The following DLG2 variants were observed in gnomAD, a reference collection of about 807,000 sequenced individuals.
DLG2 encodes the protein discs large MAGUK scaffold protein 2.
DLG2 carries 45 observed loss-of-function variants against 132.5 expected under a neutral mutation model. That is an observed-to-expected ratio of 0.34 (90% CI 0.27 to 0.44). DLG2 has a LOEUF of 0.44. DLG2 is among the 20% of genes least tolerant of loss of function. DLG2 has a pLI of 1.00. For missense variants in DLG2, 1,045 were observed against 1,196.9 expected (o/e 0.87, Z 1.87); for synonymous variants, 424 against 419.6 (o/e 1.01, Z -0.13).
At chr11:85,410,887 G>T (rs1320275189) in intron 3 of DLG2, among the ~76,000 whole-genome samples, 2 of 151,740 alleles carry the variant, frequency 1.3e-5, no homozygotes, top group Non-Finnish European at 2.9e-5. Context: ...TCTGGAGTAG[G>T]TCGATGCTCA....
At position 85,083,855 on chromosome 11, in the gene DLG2, T is replaced by C. The variant is rs181388862; in HGVS notation, c.357+27806A>G. ...TTAATGCTGGTCAGTTGTGCCTAAA[T>C]TCTAAGGGGAGGAAGGTATAATGGG... On this transcript the variant is annotated intron_variant, in intron 6 of 27. Transcript: ENST00000376104. 3.9e-4 allele frequency among the ~76,000 whole-genome samples: 59 copies of C among 152,202 alleles called. 1 individual carries two copies. The highest frequency in any genetic ancestry group is 1.1e-3 in the Admixed American group (17 of 15,278).
intron 4 of DLG2, among the ~76,000 whole-genome samples, chr11:85,263,369 CCCCAAAACGCATGTGAGTTTG>C (rs1296985906): frequency 2.0e-5 from 3 of 152,156 alleles, no homozygotes; most frequent in Non-Finnish European, 4.4e-5. Flanking sequence ...GTCTGAGTTC[CCCCAAAACGCATGTGAGTTTG>C]CCCAAAACGC....
At chr11:85,008,225 C>T (rs1254192000) in intron 6 of DLG2, among the ~76,000 whole-genome samples, 1 of 152,078 alleles carries the variant, frequency 6.6e-6, no homozygotes, top group Non-Finnish European at 1.5e-5. Context: ...AGCATTTATG[C>T]ATCTGTGTAA....
intron 6 of DLG2, among the ~76,000 whole-genome samples, chr11:84,756,695 C>T (rs1225272328): frequency 1.3e-5 from 2 of 152,090 alleles, no homozygotes; most frequent in African/African-American, 4.8e-5. Context: ...CTTGTCCAAC[C>T]CCTAGTCCAA....
chr11:85,177,354 G>C (rs545928888), intron 4 of DLG2, among the ~76,000 whole-genome samples: 3 of 151,452 alleles, frequency 2.0e-5, no homozygotes, highest in South Asian at 4.2e-4. Flanking sequence ...AAAGAAACAA[G>C]ATCATGTCCT....
intron 18 of DLG2, among the ~76,000 whole-genome samples, chr11:83,694,098 T>G (rs1442739507): frequency 6.6e-6 from 1 of 152,230 alleles, no homozygotes; most frequent in Non-Finnish European, 1.5e-5. Context: ...CTATTGAAAC[T>G]GAGGCTCAGA....
chr11:84,583,904 A>G (rs1173882190), intron 6 of DLG2, among the ~76,000 whole-genome samples: 3 of 152,040 alleles, frequency 2.0e-5, no homozygotes, highest in Non-Finnish European at 2.9e-5. Context: ...TTTTAATGCT[A>G]TATATTATTC....
chr11:84,477,161 T>C (rs1299211762), intron 7 of DLG2, among the ~76,000 whole-genome samples: 2 of 152,098 alleles, frequency 1.3e-5, no homozygotes, highest in Admixed American at 6.6e-5. Context: ...ACCACAACTT[T>C]TACTGACCAA....
intron 6 of DLG2, among the ~76,000 whole-genome samples, chr11:84,591,885 G>T (rs2099544219): frequency 6.6e-6 from 1 of 151,988 alleles, no homozygotes; most frequent in Non-Finnish European, 1.5e-5. Flanking sequence ...AGACAGTCTT[G>T]CTCTGTCACC....
chr11:85,177,050 T>C (rs987532448), intron 4 of DLG2, among the ~76,000 whole-genome samples: 3 of 152,046 alleles, frequency 2.0e-5, no homozygotes, highest in Non-Finnish European at 2.9e-5. Context: ...AGTGCAGCAA[T>C]TCCTCAAAGA....
At chr11:85,607,541 G>A (rs759889891) in intron 2 of DLG2, among the ~76,000 whole-genome samples, 35 of 152,186 alleles carry the variant, frequency 2.3e-4, no homozygotes, top group Non-Finnish European at 4.6e-4. Context: ...AAAACCACTC[G>A]CTCTCTCTGG....
At chr11:83,766,115 A>T (rs1433432053) in intron 18 of DLG2, among the ~76,000 whole-genome samples, 3 of 139,540 alleles carry the variant, frequency 2.1e-5, no homozygotes, top group Non-Finnish European at 3.0e-5. Context: ...TTTTTTTGAG[A>T]TGGAGTCTCA....
At chr11:84,318,321 T>G (rs985701896) in intron 7 of DLG2, among the ~76,000 whole-genome samples, 7 of 152,242 alleles carry the variant, frequency 4.6e-5, no homozygotes, top group African/African-American at 1.7e-4. Context: ...GTTTGAAACT[T>G]TCCACATCCA....
At chr11:84,700,787 A>T (rs911350374) in intron 6 of DLG2, among the ~76,000 whole-genome samples, 1 of 151,536 alleles carries the variant, frequency 6.6e-6, no homozygotes, top group Non-Finnish European at 1.5e-5. Flanking sequence ...TATAGAGGAC[A>T]CACAACGTAA....
At chr11:84,182,676 G>C (rs1280252826) in intron 8 of DLG2, among the ~76,000 whole-genome samples, 1 of 152,086 alleles carries the variant, frequency 6.6e-6, no homozygotes. Flanking sequence ...AATAATCTAA[G>C]CTTCTACTTT....
chr11:83,759,787 C>A (rs774742562), intron 18 of DLG2, among the ~76,000 whole-genome samples: 1 of 152,080 alleles, frequency 6.6e-6, no homozygotes, highest in South Asian at 2.1e-4. Flanking sequence ...CTGCCAAATT[C>A]CTGTTCTTCA....
At chr11:85,074,652 A>G (rs931574538) in intron 6 of DLG2, among the ~76,000 whole-genome samples, 2 of 151,870 alleles carry the variant, frequency 1.3e-5, no homozygotes, top group Admixed American at 6.6e-5. Flanking sequence ...AAAGAGAATC[A>G]AAAACATCAA....
At chr11:84,823,264 C>A (rs1335973211) in intron 6 of DLG2, among the ~76,000 whole-genome samples, 1 of 151,598 alleles carries the variant, frequency 6.6e-6, no homozygotes, top group Non-Finnish European at 1.5e-5. Context: ...CTTAAAATGA[C>A]CTACTAGTAT....
chr11:85,506,898 C>T (rs964550837), intron 3 of DLG2, among the ~76,000 whole-genome samples: 2 of 152,184 alleles, frequency 1.3e-5, no homozygotes, highest in Admixed American at 6.6e-5. Context: ...AATCTGGGTG[C>T]TCCTGTATTG....
Sources: allele counts gnomAD v4.1 joint callset (sites outside exome capture counted in the v4.1 genomes callset), GRCh38; gene constraint gnomAD v4.1.1; transcripts MANE v1.5; gene names NCBI Gene and HGNC (gene_info 2026-07-23, HGNC 2026-07-21).